The following ADAT1 variants were observed in gnomAD, a reference collection of about 807,000 sequenced individuals.
ADAT1 encodes tRNA-specific adenosine deaminase 1.
A neutral mutation model predicts 58.6 loss-of-function variants in ADAT1; 58 were observed. The observed-to-expected ratio is 0.99, with a 90% CI of 0.80 to 1.23. The LOEUF is 1.23. ADAT1 is among the 50% of genes most tolerant of loss of function. ADAT1 has a pLI of 0.00. For missense variants in ADAT1, 741 were observed against 608.6 expected, an observed-to-expected ratio of 1.22 and a Z score of -2.29; for synonymous variants, 254 against 220.8, an observed-to-expected ratio of 1.15 and a Z score of -1.33.
chr16:75,600,468 T>A, intron 9 of ADAT1, 120 bp from the exon 10 acceptor site: 1 of 1,452,748 alleles, frequency 6.9e-7, no homozygotes, highest in Non-Finnish European at 9.2e-7. Context: ...GAGAAGGAGT[T>A]CAGTATGCTT....
Position 75,597,236 on chromosome 16 carries a change from C to G in ADAT1, c.*2980G>C. 3.1e-6 allele frequency: 1 copy of G among 325,784 alleles called. No individual in the cohort carries two copies. Among genetic ancestry groups the G allele is most frequent in the Non-Finnish European group, 6.1e-6 (1 of 163,552 alleles). 20.2% of individuals were successfully genotyped at this position (325,784 alleles called of 1,614,324 possible). On this transcript the variant is annotated 3_prime_UTR_variant, in exon 10 of 10. Coordinates refer to ENST00000564657, the MANE Select transcript of ADAT1 (RefSeq NM_001324445.2). ...GACTGGATTAGGGCAGGCCCTAAAT[C>G]CAATTACTGGGGTCCTTATAAGTAG... is the stretch of plus-strand genomic sequence containing the variant.
intron 5 of ADAT1, among the ~76,000 whole-genome samples, chr16:75,616,389 T>C (rs913485114): frequency 2.6e-5 from 4 of 152,224 alleles, no homozygotes; most frequent in Non-Finnish European, 2.9e-5. Flanking sequence ...TTCATAGTGA[T>C]TTCTTATCTC....
chr16:75,604,432 C>CAAA (rs869079388), intron 8 of ADAT1, among the ~76,000 whole-genome samples: 125 of 7,928 alleles, frequency 0.016, 36 homozygotes, highest in African/African-American at 0.027. Context: ...GATTCTGTCT[C>CAAA]AAAAAAAAAA....
At chr16:75,609,863 C>T (rs2081476852) in intron 6 of ADAT1, among the ~76,000 whole-genome samples, 1 of 152,050 alleles carries the variant, frequency 6.6e-6, no homozygotes, top group South Asian at 2.1e-4. Context: ...ACCATCATGT[C>T]CGACTAATTT....
At chr16:75,613,429 G>GTAGC (rs1265164246) in intron 5 of ADAT1, among the ~76,000 whole-genome samples, 2 of 152,088 alleles carry the variant, frequency 1.3e-5, no homozygotes, top group Non-Finnish European at 2.9e-5. Context: ...AGCCTCCCGA[G>GTAGC]TAGCTGGAAT....
At chr16:75,615,451 T>C (rs955777208) in intron 5 of ADAT1, among the ~76,000 whole-genome samples, 3 of 59,094 alleles carry the variant, frequency 5.1e-5, no homozygotes, top group African/African-American at 2.1e-4. Flanking sequence ...ACACACAAAA[T>C]ACACGAACGC....
In ADAT1 at chr16:75,620,257, C is replaced by T. The variant is rs201008477; in HGVS notation, c.238+9G>A. ...CTAAATCTTTGTTTAGATTCCCACC[C>T]GTGCTTACCGTTCTTCCTCATTTTG... On this transcript the variant is annotated intron_variant, in intron 3 of 9. Coordinates refer to ENST00000564657, the MANE Select transcript of ADAT1 (RefSeq NM_001324445.2). The T allele has an allele frequency of 1.1e-4, 170 of 1,613,826 alleles. 2 individuals are homozygous for T. The Admixed American group carries it at 2.6e-3, about 25-fold the overall frequency.
chr16:75,619,440 A>G (rs566465987), intron 3 of ADAT1, among the ~76,000 whole-genome samples: 1 of 151,800 alleles, frequency 6.6e-6, no homozygotes, highest in African/African-American at 2.4e-5. Flanking sequence ...AGGAAGCTGA[A>G]GTGGGAGGAT....
intron 6 of ADAT1, among the ~76,000 whole-genome samples, chr16:75,610,171 G>A (rs2081485943): frequency 1.3e-5 from 2 of 152,128 alleles, no homozygotes; most frequent in Admixed American, 6.6e-5. Context: ...CTGAATCATA[G>A]TCCATTGTAT....
chr16:75,600,763 A>ATGT (rs2081207290), intron 9 of ADAT1, among the ~76,000 whole-genome samples: 1 of 152,216 alleles, frequency 6.6e-6, no homozygotes, highest in Non-Finnish European at 1.5e-5. Flanking sequence ...CTTTTTTGAA[A>ATGT]AATAAAACCT....
In ADAT1 at chr16:75,612,644, G is replaced by T; in HGVS notation, c.642C>A (p.His214Gln). The change falls in exon 6 of 10, where the codon CAC (histidine) becomes CAA (glutamine). Residue 214 changes from histidine (H) to glutamine (Q), a missense_variant. His to Gln is a conservative substitution (Grantham distance 24, BLOSUM62 0). Transcript: ENST00000564657. ...TTTTCTGCTTGCCAAAACTCTGATG[G>T]TGAGCTGCTCCGTTGGTGACCTCCC... ...AAREVTNGAA[H>Q]HQSFGKQKSG... 6.2e-7 allele frequency: 1 copy of T among 1,614,036 alleles called. No individual in the cohort carries two copies. Among genetic ancestry groups the T allele is most frequent in the Non-Finnish European group, 8.5e-7 (1 of 1,180,042 alleles).
At chr16:75,609,543 T>A (rs1597110368) in intron 6 of ADAT1, among the ~76,000 whole-genome samples, 1 of 152,302 alleles carries the variant, frequency 6.6e-6, no homozygotes, top group East Asian at 1.9e-4. Flanking sequence ...GGGATATAGT[T>A]CACATACCAT....
chr16:75,611,919 G>A (rs759212932), intron 6 of ADAT1, among the ~76,000 whole-genome samples: 2 of 151,876 alleles, frequency 1.3e-5, no homozygotes, highest in Non-Finnish European at 2.9e-5. Context: ...TTAGCCAGGC[G>A]TGGTGGCGCA....
At chr16:75,615,151 C>A (rs376754183) in intron 5 of ADAT1, among the ~76,000 whole-genome samples, 1 of 148,284 alleles carries the variant, frequency 6.7e-6, no homozygotes, top group Admixed American at 6.9e-5. Context: ...CGCCTGGACC[C>A]GGGAGGTGGA....
intron 3 of ADAT1, chr16:75,619,740 G>A (rs1030934716): frequency 2.5e-5 from 10 of 399,696 alleles, no homozygotes; most frequent in East Asian, 1.5e-4. Context: ...GTGAAACCCC[G>A]TCTCTAAAAA....
chr16:75,620,623 A>T lies in ADAT1; in HGVS notation c.169+8T>A. Reference sequence around the variant, plus strand: ...AGTGAGGAGCATGCCAAGAAGAAAAAGTCTCACCTTGCACCGGCTTATCAG... The same window carrying T: ...AGTGAGGAGCATGCCAAGAAGAAAATGTCTCACCTTGCACCGGCTTATCAG... On this transcript the variant is annotated splice_region_variant and intron_variant, in intron 2 of 9. Transcript: ENST00000564657. 1.2e-6 allele frequency: 2 copies of T among 1,612,210 alleles called. No homozygotes were observed. Among genetic ancestry groups the T allele is most frequent in the South Asian group, 2.2e-5 (2 of 90,948 alleles).
chr16:75,614,401 G>GT (rs1567478690), intron 5 of ADAT1, among the ~76,000 whole-genome samples: 1 of 152,208 alleles, frequency 6.6e-6, no homozygotes, highest in African/African-American at 2.4e-5. Context: ...CTAGAGGTCA[G>GT]TAAGAACCAC....
rs1449736512 is a variant in ADAT1 at position 75,618,843 on chromosome 16, G to GA, written c.239-204dup. ...CCAGCACTGTAGACATTTTGGGCCA[G>GA]AAAATTTTTTGTTGTGGGGGATCTA... On this transcript the variant is annotated intron_variant, in intron 3 of 9. Coordinates refer to ENST00000564657, the MANE Select transcript of ADAT1 (RefSeq NM_001324445.2). The GA allele has an allele frequency of 5.6e-5, 30 of 537,824 alleles. No homozygotes were observed. In the South Asian group the frequency reaches 7.4e-4, roughly 13 times the overall value. 33.3% of individuals were successfully genotyped at this position (537,824 alleles called of 1,614,324 possible).
In ADAT1 at chr16:75,612,794, A is replaced by G. The variant is rs766784517; in HGVS notation, c.492T>C (p.Asn164=). The part of the protein sequence containing the change: ...EDQPCCPVFR[N]WAHNSSVEAS... ...CTTCTACTGATGAGTTGTGGGCCCA[A>G]TTTCTGAAGACAGGACAGCAAGGCT... The change falls in exon 6 of 10, where the codon AAT becomes AAC. Residue 164 remains asparagine, a synonymous_variant. Transcript: ENST00000564657. 2.5e-6 allele frequency: 4 copies of G among 1,614,064 alleles called. No homozygotes were observed. The highest frequency in any genetic ancestry group is 1.6e-4 in the Middle Eastern group (1 of 6,062).
Sources: allele counts gnomAD v4.1 joint callset (sites outside exome capture counted in the v4.1 genomes callset), GRCh38; gene constraint gnomAD v4.1.1; transcripts MANE v1.5; gene names NCBI Gene and HGNC (gene_info 2026-07-23, HGNC 2026-07-21).